Variants in SMYD3 observed in about 807,000 individuals in gnomAD.
The protein encoded by SMYD3 is SET and MYND domain containing 3.
SMYD3 carries 36 observed loss-of-function variants against 57.7 expected under a neutral mutation model. The ratio of observed to expected loss-of-function variants is 0.62; its 90% CI spans 0.48 to 0.82. SMYD3 has a LOEUF of 0.82. Among genes scored for constraint, SMYD3 ranks in the 40% least tolerant of loss-of-function variants. The probability of loss-of-function intolerance (pLI) is 0.00; values close to 1 mark genes in which losing one functional copy is unlikely to be tolerated. For missense variants in SMYD3, 515 were observed against 538.8 expected (o/e 0.96, Z 0.44); for synonymous variants, 211 against 195.0 (o/e 1.08, Z -0.68).
chr1:245,964,410 C>G (rs1217684278), intron 5 of SMYD3, among the ~76,000 whole-genome samples: 2 of 152,180 alleles, frequency 1.3e-5, no homozygotes. Context: ...ATTCTTTTTA[C>G]CCAGTACATC....
In SMYD3 at chr1:246,497,144, G is replaced by A. The variant is rs2103074132; in HGVS notation, c.164+9910C>T. Reference sequence around the variant, plus strand: ...CAGAATCTTCTTGTAGTAATAAACTGTAAGGAGATCAACAAGCACAATTTT... The same window carrying A: ...CAGAATCTTCTTGTAGTAATAAACTATAAGGAGATCAACAAGCACAATTTT... On this transcript the variant is annotated intron_variant, in intron 1 of 11. Transcript: ENST00000490107. Among the ~76,000 whole-genome samples, 3 of 152,286 alleles carry A rather than the reference G, an allele frequency of 2.0e-5. No homozygotes were observed. In the South Asian group the frequency reaches 6.2e-4, roughly 32 times the overall value.
intron 5 of SMYD3, among the ~76,000 whole-genome samples, chr1:245,966,837 T>C (rs944477162): frequency 6.6e-6 from 1 of 152,098 alleles, no homozygotes; most frequent in Non-Finnish European, 1.5e-5. Context: ...TCTGATGCAG[T>C]CTTTCAAATA....
In SMYD3 at chr1:246,206,943, A is replaced by G. The variant is rs574909161; in HGVS notation, c.531+120258T>C. ...ATTAATTATTGAATTCACTTTTCAG[A>G]AGCACTGATTCACCGAAAGTGATGG... is the stretch of plus-strand genomic sequence containing the variant. On this transcript the variant is annotated intron_variant, in intron 5 of 11. Coordinates refer to ENST00000490107, the MANE Select transcript of SMYD3 (RefSeq NM_001167740.2). 2.4e-4 allele frequency among the ~76,000 whole-genome samples: 36 copies of G among 152,302 alleles called. 1 individual carries two copies. In the East Asian group the frequency reaches 6.9e-3, roughly 29 times the overall value.
chr1:246,315,118 G>C (rs976469213), intron 5 of SMYD3, among the ~76,000 whole-genome samples: 10 of 152,008 alleles, frequency 6.6e-5, no homozygotes, highest in African/African-American at 2.4e-4. Flanking sequence ...AGGGAGAGGA[G>C]AAAAAATGGG....
In SMYD3 at chr1:245,764,083, T is replaced by G; in HGVS notation, c.1143A>C (p.Leu381=). Residue 381 remains leucine (L), a synonymous_variant, in exon 11 of 12, where the codon CTA becomes CTC. Coordinates refer to ENST00000490107, the MANE Select transcript of SMYD3 (RefSeq NM_001167740.2). ...VQVMKVGKLQ[L]HQGMFPQAMK... is the part of the protein sequence containing the mutation. ...TTGCTTGGGGAAACATGCCTTGATG[T>G]AGCTGCAGTTTGCCAACTTTCATCA... is the stretch of plus-strand genomic sequence containing the variant. The G allele has an allele frequency of 1.2e-6, 2 of 1,614,108 alleles. No homozygotes were observed. Among genetic ancestry groups the G allele is most frequent in the South Asian group, 2.2e-5 (2 of 91,078 alleles).
chr1:246,291,597 C>A (rs1303371601), intron 5 of SMYD3, among the ~76,000 whole-genome samples: 2 of 152,190 alleles, frequency 1.3e-5, no homozygotes, highest in African/African-American at 4.8e-5. Context: ...CTTGCAATAG[C>A]AATGACAAGA....
At chr1:245,822,199 A>T (rs1212792391) in intron 10 of SMYD3, among the ~76,000 whole-genome samples, 1 of 152,108 alleles carries the variant, frequency 6.6e-6, no homozygotes, top group Non-Finnish European at 1.5e-5. Flanking sequence ...CATATACACC[A>T]TGGAATACTA....
intron 10 of SMYD3, among the ~76,000 whole-genome samples, chr1:245,812,744 A>G (rs1292483175): frequency 7.1e-6 from 1 of 141,820 alleles, no homozygotes; most frequent in East Asian, 2.0e-4. Context: ...AGAGACAGAG[A>G]AACTCACTCA....
intron 1 of SMYD3, among the ~76,000 whole-genome samples, chr1:246,383,731 G>A (rs2066426300): frequency 6.6e-6 from 1 of 152,204 alleles, no homozygotes; most frequent in African/African-American, 2.4e-5. Context: ...GGAGGCCGAG[G>A]TGGGTTGATC....
At chr1:246,052,450 A>C (rs1478742070) in intron 5 of SMYD3, 1 of 152,216 alleles carries the variant, frequency 6.6e-6, no homozygotes, top group Non-Finnish European at 1.5e-5. Context: ...AGGCTAATTA[A>C]AATGCATTTC....
chr1:246,347,214 T>C (rs2065736595), intron 2 of SMYD3, among the ~76,000 whole-genome samples: 3 of 151,198 alleles, frequency 2.0e-5, no homozygotes. Flanking sequence ...ATATGTGTAA[T>C]AGGATATGTC....
At chr1:246,107,101 C>CATCCTGGCTA (rs779661159) in intron 5 of SMYD3, among the ~76,000 whole-genome samples, 150 of 117,734 alleles carry the variant, frequency 1.3e-3, no homozygotes, top group East Asian at 3.0e-3. Flanking sequence ...AGATCGAGAC[C>CATCCTGGCTA]ACGGTGAAAC....
intron 5 of SMYD3, among the ~76,000 whole-genome samples, chr1:246,129,043 G>A (rs992915795): frequency 9.2e-5 from 14 of 151,966 alleles, no homozygotes; most frequent in South Asian, 2.1e-4. Context: ...AGCGATCTGC[G>A]CACCTCGGCC....
At chr1:245,879,898 G>C (rs1463804662) in intron 8 of SMYD3, among the ~76,000 whole-genome samples, 1 of 152,202 alleles carries the variant, frequency 6.6e-6, no homozygotes, top group Non-Finnish European at 1.5e-5. Flanking sequence ...GTGTACCCTA[G>C]AGACAGCACA....
chr1:245,980,226 T>TA (rs1400501356), intron 5 of SMYD3, among the ~76,000 whole-genome samples: 4 of 152,272 alleles, frequency 2.6e-5, no homozygotes, highest in African/African-American at 9.6e-5. Context: ...TCATTTGCTT[T>TA]ACTGTGAACT....
intron 5 of SMYD3, among the ~76,000 whole-genome samples, chr1:246,127,201 C>T (rs2061522544): frequency 6.6e-6 from 1 of 152,048 alleles, no homozygotes; most frequent in Non-Finnish European, 1.5e-5. Flanking sequence ...TTTTCCTGTT[C>T]TTTGAGGATG....
At chr1:246,479,258 G>C (rs747591670) in intron 1 of SMYD3, among the ~76,000 whole-genome samples, 1 of 152,236 alleles carries the variant, frequency 6.6e-6, no homozygotes, top group Non-Finnish European at 1.5e-5. Flanking sequence ...CCAGGAATGA[G>C]GGCTAGAAGA....
At chr1:246,228,159 G>A (rs2063358074) in intron 5 of SMYD3, among the ~76,000 whole-genome samples, 1 of 151,826 alleles carries the variant, frequency 6.6e-6, no homozygotes, top group Non-Finnish European at 1.5e-5. Context: ...TAGTAGAGAT[G>A]GGTTTTCACC....
chr1:245,944,074 T>C (rs1260164339), intron 5 of SMYD3, among the ~76,000 whole-genome samples: 1 of 152,158 alleles, frequency 6.6e-6, no homozygotes, highest in Non-Finnish European at 1.5e-5. Flanking sequence ...TCTTGAAAAC[T>C]GGCACAAGAC....
Sources: allele counts gnomAD v4.1 joint callset (sites outside exome capture counted in the v4.1 genomes callset), GRCh38; gene constraint gnomAD v4.1.1; transcripts MANE v1.5; gene names NCBI Gene and HGNC (gene_info 2026-07-23, HGNC 2026-07-21).